The following NME7 variants were observed in gnomAD, a reference collection of about 807,000 sequenced individuals.
NME7 encodes NME/NM23 family member 7, also known as nucleoside diphosphate kinase 7.
NME7 carries 41 observed loss-of-function variants against 49.1 expected under a neutral mutation model. The ratio of observed to expected loss-of-function variants is 0.83; its 90% confidence interval spans 0.65 to 1.08. The LOEUF is 1.08. Ranked by LOEUF, NME7 falls within the 50% of genes least tolerant of loss-of-function variation. The probability of loss-of-function intolerance (pLI) is 0.00; values close to 1 mark genes in which losing one functional copy is unlikely to be tolerated. For synonymous variants in NME7, 139 were observed against 150.6 expected (o/e 0.92, Z 0.56); for missense variants, 423 against 463.4 (o/e 0.91, Z 0.80).
intron 5 of NME7, among the ~76,000 whole-genome samples, chr1:169,299,207 C>CCA (rs1428058134): frequency 6.6e-6 from 1 of 151,806 alleles, no homozygotes. Flanking sequence ...TTGTGTAAAA[C>CCA]TATTAGAATT....
chr1:169,291,616 C>A (rs1000372995), intron 6 of NME7, among the ~76,000 whole-genome samples: 1 of 151,304 alleles, frequency 6.6e-6, no homozygotes, highest in Non-Finnish European at 1.5e-5. Context: ...TAAACCTGCA[C>A]GTTACGCACA....
chr1:169,297,840 T>C (rs1052429420), intron 6 of NME7, among the ~76,000 whole-genome samples: 14 of 152,202 alleles, frequency 9.2e-5, no homozygotes, highest in Non-Finnish European at 1.8e-4. Flanking sequence ...TTGTAGCAGT[T>C]CTGGCAAAAT....
intron 1 of NME7, among the ~76,000 whole-genome samples, chr1:169,359,794 A>T (rs1653594496): frequency 6.6e-6 from 1 of 152,132 alleles, no homozygotes; most frequent in South Asian, 2.1e-4. Flanking sequence ...ATGAAGATAC[A>T]TTTTAAAGAG....
intron 1 of NME7, among the ~76,000 whole-genome samples, chr1:169,340,116 T>C (rs1652631271): frequency 6.6e-6 from 1 of 152,202 alleles, no homozygotes; most frequent in South Asian, 2.1e-4. Flanking sequence ...ATTTGAGTAT[T>C]GACATGGTTT....
chr1:169,213,843 A>G (rs550941631), intron 10 of NME7, among the ~76,000 whole-genome samples: 1 of 151,488 alleles, frequency 6.6e-6, no homozygotes, highest in Non-Finnish European at 1.5e-5. Context: ...ATATATATAT[A>G]TACACACAAA....
chr1:169,203,054 G>A (rs1189379882), intron 10 of NME7, among the ~76,000 whole-genome samples: 1 of 152,082 alleles, frequency 6.6e-6, no homozygotes, highest in African/African-American at 2.4e-5. Context: ...TGCACAGGAT[G>A]GCTTGCCTAA....
chr1:169,197,185 A>G (rs1660402665), intron 10 of NME7, among the ~76,000 whole-genome samples: 1 of 152,176 alleles, frequency 6.6e-6, no homozygotes, highest in African/African-American at 2.4e-5. Context: ...TCTATATTTA[A>G]CTGCTTTATA....
intron 10 of NME7, among the ~76,000 whole-genome samples, chr1:169,228,616 G>T (rs1484817444): frequency 1.3e-5 from 2 of 149,520 alleles, no homozygotes; most frequent in Non-Finnish European, 3.0e-5. Context: ...AGCGGAGCTT[G>T]CAGTGAGCCG....
At chr1:169,168,586 T>C (rs556720768) in intron 11 of NME7, among the ~76,000 whole-genome samples, 1 of 152,274 alleles carries the variant, frequency 6.6e-6, no homozygotes, top group Non-Finnish European at 1.5e-5. Flanking sequence ...TGCATGCCAC[T>C]GAGCCTGGCT....
chr1:169,279,594 C>A (rs1190201178), intron 7 of NME7, among the ~76,000 whole-genome samples: 1 of 152,212 alleles, frequency 6.6e-6, no homozygotes, highest in Admixed American at 6.5e-5. Flanking sequence ...GTCTGTCACC[C>A]CTTTCCTTGA....
chr1:169,265,419 G>A lies in NME7; in HGVS notation c.754+21884C>T, dbSNP rs577411842. Among the ~76,000 whole-genome samples, 8 of 133,634 alleles carry A rather than the reference G, an allele frequency of 6.0e-5. 1 individual carries two copies. In the South Asian group the frequency reaches 1.8e-3, roughly 31 times the overall value. 87.7% of individuals were successfully genotyped at this position (133,634 alleles called of 152,430 possible). ...ATGAAATTAAGGCAGAAATCAAGAA[G>A]TTCTTTGAAATGAATGAGAACAAAG... On this transcript the variant is annotated intron_variant, in intron 7 of 11. Coordinates refer to ENST00000367811, the MANE Select transcript of NME7 (RefSeq NM_013330.5).
chr1:169,275,478 CAAAAAA>C (rs57449323), intron 7 of NME7, among the ~76,000 whole-genome samples: 2 of 29,874 alleles, frequency 6.7e-5, no homozygotes, highest in South Asian at 1.0e-3. Context: ...AACTCCGTCT[CAAAAAA>C]AAAAAAAAAA....
intron 11 of NME7, among the ~76,000 whole-genome samples, chr1:169,134,324 T>G (rs1658356683): frequency 6.6e-6 from 1 of 152,244 alleles, no homozygotes; most frequent in South Asian, 2.1e-4. Flanking sequence ...CAGTTTATTC[T>G]GACCCTCAGT....
chr1:169,213,126 G>C (rs888801434), intron 10 of NME7, among the ~76,000 whole-genome samples: 2 of 152,138 alleles, frequency 1.3e-5, no homozygotes, highest in East Asian at 1.9e-4. Flanking sequence ...ATGAGTTACA[G>C]TCATGCTGGC....
intron 3 of NME7, among the ~76,000 whole-genome samples, chr1:169,321,241 T>A (rs1369832414): frequency 6.6e-6 from 1 of 152,122 alleles, no homozygotes; most frequent in Non-Finnish European, 1.5e-5. Context: ...ATGGCTGTAG[T>A]TCCAGCTACC....
chr1:169,199,655 T>G (rs1660493435), intron 10 of NME7, among the ~76,000 whole-genome samples: 1 of 151,778 alleles, frequency 6.6e-6, no homozygotes, highest in Non-Finnish European at 1.5e-5. Flanking sequence ...TACTTGTTGG[T>G]TCCTATTGTC....
intron 11 of NME7, among the ~76,000 whole-genome samples, chr1:169,134,224 T>TC (rs1435751127): frequency 2.0e-5 from 3 of 152,224 alleles, no homozygotes; most frequent in East Asian, 1.9e-4. Flanking sequence ...CAGACAAAAC[T>TC]CCATCTTTTT....
intron 10 of NME7, among the ~76,000 whole-genome samples, chr1:169,183,235 C>A (rs912087509): frequency 1.9e-4 from 29 of 152,264 alleles, no homozygotes; most frequent in African/African-American, 6.7e-4. Flanking sequence ...TAAGACTATT[C>A]CCCAAAGAAC....
chr1:169,194,156 A>C (rs1289290695), intron 10 of NME7, among the ~76,000 whole-genome samples: 3 of 152,194 alleles, frequency 2.0e-5, no homozygotes, highest in Non-Finnish European at 4.4e-5. Flanking sequence ...TAGAGATTAA[A>C]AAAAGAAAAA....
Sources: allele counts gnomAD v4.1 joint callset (sites outside exome capture counted in the v4.1 genomes callset), GRCh38; gene constraint gnomAD v4.1.1; transcripts MANE v1.5; gene names NCBI Gene and HGNC (gene_info 2026-07-23, HGNC 2026-07-21).